CCSER1: variants seen among roughly 807,000 people sequenced by gnomAD.
CCSER1 encodes the protein coiled-coil serine rich protein 1.
CCSER1 carries 41 observed loss-of-function variants against 82.0 expected under a neutral mutation model. That is an observed-to-expected ratio of 0.50 (90% CI 0.39 to 0.65). CCSER1 has a LOEUF of 0.65. Among genes scored for constraint, CCSER1 ranks in the 30% least tolerant of loss-of-function variants. The pLI, the probability that CCSER1 is intolerant of heterozygous loss-of-function variation, is 0.00. For synonymous variants in CCSER1, 414 were observed against 383.9 expected, an observed-to-expected ratio of 1.08 and a Z score of -0.92; for missense variants, 1,119 against 1,064.2, an observed-to-expected ratio of 1.05 and a Z score of -0.72.
intron 10 of CCSER1, among the ~76,000 whole-genome samples, chr4:91,446,550 T>A (rs1169988925): frequency 7.0e-6 from 1 of 142,802 alleles, no homozygotes; most frequent in Admixed American, 7.2e-5. Context: ...ACATAACAAC[T>A]GATATTCTGC....
At chr4:91,346,112 G>A (rs550708953) in intron 10 of CCSER1, among the ~76,000 whole-genome samples, 3 of 150,292 alleles carry the variant, frequency 2.0e-5, no homozygotes, top group African/African-American at 5.0e-5. Flanking sequence ...CAACCTCCAC[G>A]TCCCGGGTTC....
chr4:91,149,765 A>G, intron 10 of CCSER1, among the ~76,000 whole-genome samples: 3 of 152,138 alleles, frequency 2.0e-5, no homozygotes. Flanking sequence ...TTTTTGTCAG[A>G]TTTGTCAAAG....
intron 9 of CCSER1, among the ~76,000 whole-genome samples, chr4:90,932,942 G>GA (rs1304874110): frequency 3.4e-5 from 1 of 29,642 alleles, no homozygotes; most frequent in African/African-American, 2.6e-4. Context: ...AAGAAAGAAA[G>GA]AAAGAAAGAA....
At chr4:91,332,141 A>G (rs1747001516) in intron 10 of CCSER1, among the ~76,000 whole-genome samples, 1 of 152,088 alleles carries the variant, frequency 6.6e-6, no homozygotes, top group African/African-American at 2.4e-5. Flanking sequence ...ATTAAAAACT[A>G]ATTTCAAATT....
chr4:91,140,346 T>C (rs1194277459), intron 10 of CCSER1, among the ~76,000 whole-genome samples: 6 of 152,074 alleles, frequency 3.9e-5, no homozygotes, highest in Middle Eastern at 3.6e-3. Flanking sequence ...TTTTAAGATA[T>C]CAATTTATTG....
At chr4:90,946,152 TATA>T (rs1732213390) in intron 9 of CCSER1, among the ~76,000 whole-genome samples, 1 of 152,224 alleles carries the variant, frequency 6.6e-6, no homozygotes. Context: ...TAATGATTGA[TATA>T]ATGCTAATTT....
At chr4:91,084,065 G>C (rs542212650) in intron 9 of CCSER1, among the ~76,000 whole-genome samples, 1 of 151,966 alleles carries the variant, frequency 6.6e-6, no homozygotes, top group African/African-American at 2.4e-5. Flanking sequence ...CGAGTAGCTG[G>C]GATTATGGGC....
In CCSER1 at chr4:91,572,959, G is replaced by A. The variant is rs190699954; in HGVS notation, c.2218-25613G>A. ...ACTCAAACAGCAAAGATGGTGGCCT[G>A]CCCCTCCCTCTGGGAGCTCCATCTC... On this transcript the variant is annotated intron_variant, in intron 10 of 10. Transcript: ENST00000509176. Among the ~76,000 whole-genome samples, 130 of 152,276 alleles carry A rather than the reference G, an allele frequency of 8.5e-4. 3 individuals are homozygous for A. The highest frequency in any genetic ancestry group is 8.0e-3 in the East Asian group (41 of 5,138).
intron 8 of CCSER1, among the ~76,000 whole-genome samples, chr4:90,900,094 G>GCTTTTTTTTT (rs1724379139): frequency 9.8e-6 from 1 of 102,156 alleles, no homozygotes; most frequent in Non-Finnish European, 2.1e-5. Context: ...TGGTCCCAGA[G>GCTTTTTTTTT]TTTTTTTTTT....
At chr4:90,483,794 C>T (rs1766500830) in intron 5 of CCSER1, among the ~76,000 whole-genome samples, 1 of 152,152 alleles carries the variant, frequency 6.6e-6, no homozygotes. Context: ...TTCTCTCTGG[C>T]TGCCCTTAAC....
intron 5 of CCSER1, among the ~76,000 whole-genome samples, chr4:90,606,750 T>C (rs1784767934): frequency 6.6e-6 from 1 of 152,182 alleles, no homozygotes; most frequent in Non-Finnish European, 1.5e-5. Flanking sequence ...TCAGAGATAA[T>C]AATGATCAGT....
At chr4:91,164,100 C>A (rs938261904) in intron 10 of CCSER1, among the ~76,000 whole-genome samples, 1 of 152,150 alleles carries the variant, frequency 6.6e-6, no homozygotes, top group East Asian at 1.9e-4. Context: ...GTGCTTCCTT[C>A]AGGAGCTCTT....
At chr4:91,360,714 CAGAG>C (rs1221167965) in intron 10 of CCSER1, among the ~76,000 whole-genome samples, 1 of 151,534 alleles carries the variant, frequency 6.6e-6, no homozygotes, top group Non-Finnish European at 1.5e-5. Flanking sequence ...GGTGAAAAAA[CAGAG>C]AGAGAGAGAA....
rs1187814891 is a variant in CCSER1, at chr4:90,889,229, A to T, written c.2095-34141A>T. Among the ~76,000 whole-genome samples the T allele has an allele frequency of 3.3e-5, 5 of 152,236 alleles. 1 individual carries two copies. Among genetic ancestry groups the T allele is most frequent in the South Asian group, 4.1e-4 (2 of 4,828 alleles). ...CATTTCCTGCTATTATTTTACTTTTACTCTCAAAATACAGAGAATCTCGGA... is the reference window on the plus strand; with the variant it reads ...CATTTCCTGCTATTATTTTACTTTTTCTCTCAAAATACAGAGAATCTCGGA... On this transcript the variant is annotated intron_variant, in intron 8 of 10. Transcript: ENST00000509176.
intron 9 of CCSER1, among the ~76,000 whole-genome samples, chr4:90,950,815 G>T (rs1284671176): frequency 6.6e-6 from 1 of 152,010 alleles, no homozygotes; most frequent in Non-Finnish European, 1.5e-5. Flanking sequence ...CATGTAATTG[G>T]AGCAGAGCTA....
chr4:90,991,465 G>T (rs1226991010), intron 9 of CCSER1, among the ~76,000 whole-genome samples: 1 of 151,736 alleles, frequency 6.6e-6, no homozygotes, highest in Non-Finnish European at 1.5e-5. Context: ...TCCACTTCTG[G>T]TACTTCCACG....
intron 1 of CCSER1, among the ~76,000 whole-genome samples, chr4:90,261,171 TC>T (rs1170944960): frequency 6.6e-6 from 1 of 152,110 alleles, no homozygotes; most frequent in Non-Finnish European, 1.5e-5. Flanking sequence ...GTTTTTTTTT[TC>T]ACTGTGTTAT....
intron 10 of CCSER1, among the ~76,000 whole-genome samples, chr4:91,221,748 G>A (rs1192603240): frequency 2.0e-5 from 3 of 152,022 alleles, no homozygotes; most frequent in African/African-American, 7.2e-5. Context: ...GTATAGAGAT[G>A]AGCAAGTTGT....
intron 1 of CCSER1, among the ~76,000 whole-genome samples, chr4:90,304,586 G>T (rs1733850814): frequency 6.6e-6 from 1 of 152,058 alleles, no homozygotes; most frequent in African/African-American, 2.4e-5. Flanking sequence ...CTCATAGATG[G>T]GAATTGAACA....
Sources: gnomAD v4.1 joint callset for allele counts (sites outside exome capture counted in the v4.1 genomes callset) on GRCh38, gnomAD v4.1.1 for gene constraint, MANE v1.5 for transcripts, NCBI Gene and HGNC (gene_info 2026-07-23, HGNC 2026-07-21) for gene names.